The following SLC9C2 variants were observed in gnomAD, a reference collection of about 807,000 sequenced individuals.
The protein encoded by SLC9C2 is solute carrier family 9 member C2 (putative).
In SLC9C2, 75 loss-of-function variants were observed where a neutral mutation model predicts 140.2. The observed-to-expected ratio is 0.53, with a 90% CI of 0.44 to 0.65. The LOEUF (loss-of-function observed/expected upper bound fraction) is 0.65, where lower values mean the gene tolerates loss of function less well. SLC9C2 is among the 30% of genes least tolerant of loss of function. The pLI is 0.00. For missense variants in SLC9C2, 1,074 were observed against 1,331.8 expected (o/e 0.81, Z 3.01); for synonymous variants, 375 against 420.9 (o/e 0.89, Z 1.34).
intron 13 of SLC9C2, among the ~76,000 whole-genome samples, chr1:173,540,617 G>C (rs1307821207): frequency 6.6e-6 from 1 of 152,164 alleles, no homozygotes; most frequent in Non-Finnish European, 1.5e-5. Flanking sequence ...TGGCCAGGCT[G>C]TCACCTGAGG....
At chr1:173,524,131 C>T in intron 20 of SLC9C2, 37 bp from the exon 21 acceptor site, 1 of 1,556,638 alleles carries the variant, frequency 6.4e-7, no homozygotes, top group Non-Finnish European at 8.7e-7. Context: ...GGATCAGATC[C>T]TGTAACAGAA....
intron 21 of SLC9C2, among the ~76,000 whole-genome samples, chr1:173,522,148 G>C (rs1660872786): frequency 2.0e-5 from 3 of 152,026 alleles, no homozygotes; most frequent in African/African-American, 7.2e-5. Flanking sequence ...CGTGAACCCG[G>C]GAGGTGGAGC....
chr1:173,601,941 T>C, intron 1 of SLC9C2, 86 bp from the exon 2 acceptor site: 2 of 787,238 alleles, frequency 2.5e-6, no homozygotes, highest in Non-Finnish European at 4.1e-6. Flanking sequence ...CACACTCAGA[T>C]CTGAACATGT....
In SLC9C2 at chr1:173,534,620, C is replaced by A; in HGVS notation, c.1838G>T (p.Gly613Val). Reference sequence around the variant, plus strand: ...AATATATATCAAATTTATAATCTGTCCTGTATATTCAAATTCTTCAGAAAA... The same window carrying A: ...AATATATATCAAATTTATAATCTGTACTGTATATTCAAATTCTTCAGAAAA... ...IVFSEEFEYT[G>V]QIINLIYIYP... Residue 613 changes from glycine to valine, a missense_variant, in exon 16 of 28, where the codon GGA (glycine) becomes GTA (valine). By Grantham distance (109) the Gly-to-Val change is moderately radical (BLOSUM62 -3). Coordinates refer to ENST00000367714, the MANE Select transcript of SLC9C2 (RefSeq NM_178527.4). 1 of 1,566,038 alleles carries A rather than the reference C, an allele frequency of 6.4e-7. No homozygotes were observed. Among genetic ancestry groups the A allele is most frequent in the Non-Finnish European group, 8.6e-7 (1 of 1,159,068 alleles).
At chr1:173,520,718 T>C (rs1415575012) in intron 22 of SLC9C2, among the ~76,000 whole-genome samples, 1 of 152,224 alleles carries the variant, frequency 6.6e-6, no homozygotes, top group African/African-American at 2.4e-5. Flanking sequence ...AGGTCTAATA[T>C]ACCCGTTTCA....
intron 23 of SLC9C2, among the ~76,000 whole-genome samples, chr1:173,510,947 C>T (rs1660000823): frequency 6.6e-6 from 1 of 151,960 alleles, no homozygotes; most frequent in Non-Finnish European, 1.5e-5. Context: ...TTTACATTCC[C>T]ACCAACAGTG....
chr1:173,510,084 T>C (rs1354017432), intron 23 of SLC9C2, among the ~76,000 whole-genome samples: 1 of 152,190 alleles, frequency 6.6e-6, no homozygotes. Context: ...AGGCAAATAG[T>C]TTAGCTGAAT....
At chr1:173,524,534 C>T (rs1396157080) in intron 20 of SLC9C2, among the ~76,000 whole-genome samples, 3 of 152,156 alleles carry the variant, frequency 2.0e-5, no homozygotes, top group Non-Finnish European at 4.4e-5. Flanking sequence ...TGATAAATCC[C>T]CCAACCATTT....
chr1:173,600,307 C>A, intron 2 of SLC9C2, 90 bp from the exon 3 acceptor site: 2 of 711,728 alleles, frequency 2.8e-6, no homozygotes, highest in South Asian at 2.9e-5. Flanking sequence ...CAAAGTAAGT[C>A]AAGACCTTCT....
chr1:173,600,871 A>C (rs1666735807), intron 2 of SLC9C2, among the ~76,000 whole-genome samples: 1 of 152,196 alleles, frequency 6.6e-6, no homozygotes, highest in East Asian at 1.9e-4. Context: ...AATGGGTAAA[A>C]TTGAAGGAGT....
chr1:173,553,370 A>G (rs1439050630), intron 11 of SLC9C2, among the ~76,000 whole-genome samples: 2 of 152,240 alleles, frequency 1.3e-5, no homozygotes, highest in Non-Finnish European at 2.9e-5. Flanking sequence ...TTTTGAAAGA[A>G]GCTCTACTCT....
At chr1:173,564,889 G>A (rs545796305) in intron 9 of SLC9C2, among the ~76,000 whole-genome samples, 16 of 151,250 alleles carry the variant, frequency 1.1e-4, no homozygotes, top group Middle Eastern at 3.4e-3. Flanking sequence ...TGCCCGCCTC[G>A]GCCTCCCAAA....
At position 173,576,750 on chromosome 1, in the gene SLC9C2, T is replaced by G. The variant is rs1340481788; in HGVS notation, c.813A>C (p.Leu271Phe). 5 of 1,598,274 alleles carry G rather than the reference T, an allele frequency of 3.1e-6. 1 individual carries two copies. The change falls in exon 8 of 28, where the codon TTA becomes TTC. Residue 271 changes from leucine (L) to phenylalanine (F), a missense_variant. Leu to Phe is a conservative substitution (Grantham distance 22). Transcript: ENST00000367714. ...VYMTFYIVEF[L>F]GMSGTLALAA... ...CTAAGGCAAGAGTGCCTGACATTCC[T>G]AAAAATTCCACTGGGGAGAAAAAAA...
chr1:173,525,749 G>A (rs1475982423), intron 19 of SLC9C2, among the ~76,000 whole-genome samples: 4 of 152,230 alleles, frequency 2.6e-5, no homozygotes, highest in Admixed American at 6.5e-5. Flanking sequence ...TTTTAGAGTA[G>A]TGAATTGAGA....
intron 13 of SLC9C2, among the ~76,000 whole-genome samples, chr1:173,537,262 T>G (rs1662039568): frequency 6.6e-6 from 1 of 152,164 alleles, no homozygotes; most frequent in African/African-American, 2.4e-5. Flanking sequence ...AAAAAGGGTC[T>G]TAGCTTTCTA....
chr1:173,573,153 G>C (rs1422178493), intron 9 of SLC9C2, 29 bp downstream of exon 9: 4 of 1,449,464 alleles, frequency 2.8e-6, no homozygotes. Flanking sequence ...TCTCAGTTTA[G>C]TAAACAAACT....
At chr1:173,541,017 A>C (rs1662357251) in intron 13 of SLC9C2, among the ~76,000 whole-genome samples, 1 of 152,212 alleles carries the variant, frequency 6.6e-6, no homozygotes, top group Non-Finnish European at 1.5e-5. Context: ...ATTAACCTTA[A>C]ATGTAAATGG....
intron 9 of SLC9C2, among the ~76,000 whole-genome samples, chr1:173,562,503 G>T (rs1004302220): frequency 4.6e-5 from 7 of 152,100 alleles, no homozygotes; most frequent in African/African-American, 1.4e-4. Flanking sequence ...CACGTCAAGG[G>T]TAAGTGATTT....
At chr1:173,584,581 G>A (rs1332379569) in intron 5 of SLC9C2, among the ~76,000 whole-genome samples, 2 of 151,180 alleles carry the variant, frequency 1.3e-5, no homozygotes, top group East Asian at 3.9e-4. Context: ...TTTGTCTCTG[G>A]CTGCTTTTAA....
Sources: allele counts gnomAD v4.1 joint callset (sites outside exome capture counted in the v4.1 genomes callset), GRCh38; gene constraint gnomAD v4.1.1; transcripts MANE v1.5; gene names NCBI Gene and HGNC (gene_info 2026-07-23, HGNC 2026-07-21).